Variants in RAB37 observed in about 807,000 individuals in gnomAD.
The protein encoded by RAB37 is ras-related protein Rab-37.
Under a neutral mutation model 33.1 loss-of-function variants are expected in RAB37, and 29 were observed. The observed-to-expected ratio is 0.88, with a 90% CI of 0.65 to 1.20. The LOEUF is 1.20. Among genes scored for constraint, RAB37 ranks in the 50% most tolerant of loss-of-function variants. The probability of loss-of-function intolerance (pLI) is 0.00; values close to 1 mark genes in which losing one functional copy is unlikely to be tolerated. For missense variants in RAB37, 299 were observed against 301.1 expected (o/e 0.99, Z 0.05); for synonymous variants, 128 against 119.5 (o/e 1.07, Z -0.47).
intron 1 of RAB37, among the ~76,000 whole-genome samples, chr17:74,701,157 A>C (rs1238449213): frequency 6.6e-6 from 1 of 152,246 alleles, no homozygotes; most frequent in Non-Finnish European, 1.5e-5. Flanking sequence ...GGGGCAACCC[A>C]AGCAAACTAA....
At chr17:74,695,220 G>A (rs1349176141) in intron 1 of RAB37, 1 of 1,614,148 alleles carries the variant, frequency 6.2e-7, no homozygotes, top group Non-Finnish European at 8.5e-7. Context: ...GGTCAGAGAT[G>A]CATAGGAAAT....
rs190066132 is a variant in RAB37, at chr17:74,740,108, A to G, written c.94-660A>G. Among the ~76,000 whole-genome samples the G allele has an allele frequency of 4.1e-3, 628 of 151,696 alleles. 9 individuals carry two copies. Among genetic ancestry groups the G allele is most frequent in the African/African-American group, 0.014 (562 of 41,382 alleles). The stretch of plus-strand genomic sequence containing the variant: ...GAGGTGGAGGTTGTGGTGAGCCAAG[A>G]TCTCGCCATTGCACTCCAGCCTGGG... On this transcript the variant is annotated intron_variant, in intron 1 of 8. Transcript: ENST00000392613.
chr17:74,701,796 G>A (rs2033069508), intron 1 of RAB37, among the ~76,000 whole-genome samples: 1 of 149,530 alleles, frequency 6.7e-6, no homozygotes, highest in African/African-American at 2.5e-5. Context: ...GTTGCAGTGA[G>A]CTGAGATTAT....
intron 1 of RAB37, among the ~76,000 whole-genome samples, chr17:74,680,976 C>T (rs917030747): frequency 3.9e-5 from 6 of 152,226 alleles, no homozygotes; most frequent in Non-Finnish European, 8.8e-5. Flanking sequence ...CCCTTGAAAT[C>T]TGATATTTCT....
chr17:74,703,273 G>T, intron 1 of RAB37: 1 of 671,716 alleles, frequency 1.5e-6, no homozygotes, highest in Non-Finnish European at 2.5e-6. Flanking sequence ...GCTGCAGCCT[G>T]GACCACTCAT....
intron 1 of RAB37, among the ~76,000 whole-genome samples, chr17:74,675,182 C>CTCATGCCTGTAA (rs2031799535): frequency 6.6e-6 from 1 of 151,998 alleles, no homozygotes; most frequent in Non-Finnish European, 1.5e-5. Context: ...GGCGCAGTGG[C>CTCATGCCTGTAA]TCCCAGCACT....
At chr17:74,732,677 CG>C (rs2034403857), upstream of RAB37, among the ~76,000 whole-genome samples, 1 of 42,322 alleles carries the variant, frequency 2.4e-5, no homozygotes, top group African/African-American at 8.1e-5. Context: ...GTGTATGTGG[CG>C]TGAGATGTGT....
At chr17:74,741,643 G>A (rs1227767237) in intron 2 of RAB37, among the ~76,000 whole-genome samples, 1 of 151,302 alleles carries the variant, frequency 6.6e-6, no homozygotes. Flanking sequence ...AGCTCACCAG[G>A]GACCCTCCCT....
chr17:74,671,858 G>C lies in RAB37; in HGVS notation c.72+200G>C, dbSNP rs2031714649. On this transcript the variant is annotated intron_variant, in intron 1 of 7. Transcript: ENST00000340415. This position sits in a 1 kb window ranked among gnomAD's most constrained non-coding sequence, Gnocchi z 5.0. Reference sequence around the variant, plus strand: ...TCTTGGGGAAGGGCTGCCGCCAGAGGCTCAGATGGTCAGAAGCTTCATTCA... The same window carrying C: ...TCTTGGGGAAGGGCTGCCGCCAGAGCCTCAGATGGTCAGAAGCTTCATTCA... Among the ~76,000 whole-genome samples, 1 of 152,170 alleles carries C rather than the reference G, an allele frequency of 6.6e-6. No homozygotes were observed. Among genetic ancestry groups the C allele is most frequent in the African/African-American group, 2.4e-5 (1 of 41,440 alleles).
chr17:74,700,978 C>A (rs528409947), intron 1 of RAB37, among the ~76,000 whole-genome samples: 2 of 152,114 alleles, frequency 1.3e-5, no homozygotes, highest in South Asian at 2.1e-4. Context: ...CACAGACACA[C>A]GCAGAGGGAC....
At position 74,713,078 on chromosome 17, in the gene RAB37, G is replaced by A. The variant is rs574410966; in HGVS notation, c.73-16178G>A. The A allele has an allele frequency of 2.7e-4, 145 of 536,150 alleles. 1 individual carries two copies. Among genetic ancestry groups the A allele is most frequent in the Non-Finnish European group, 4.1e-4 (121 of 297,054 alleles). 33.2% of individuals were successfully genotyped at this position (536,150 alleles called of 1,614,324 possible). ...TCCTGGCACTTTGGGAGGCCAAGGC[G>A]GGCGGATCACGAGATCAGGAGTTCA... On this transcript the variant is annotated intron_variant, in intron 1 of 7. Transcript: ENST00000340415.
chr17:74,705,961 G>A (rs139136706), intron 1 of RAB37, among the ~76,000 whole-genome samples: 1 of 152,288 alleles, frequency 6.6e-6, no homozygotes, highest in East Asian at 1.9e-4. Flanking sequence ...GATGTGGCTG[G>A]AGGCCATTAT....
intron 1 of RAB37, chr17:74,698,569 C>T: frequency 6.5e-7 from 1 of 1,530,434 alleles, no homozygotes; most frequent in Non-Finnish European, 8.8e-7. Context: ...AGGGGAGGGC[C>T]ACACACCTGA....
chr17:74,681,536 C>T (rs2031955259), intron 1 of RAB37, among the ~76,000 whole-genome samples: 1 of 152,220 alleles, frequency 6.6e-6, no homozygotes, highest in Admixed American at 6.5e-5. Context: ...CTGAAAAACA[C>T]TCAACCAAAC....
upstream of RAB37, chr17:74,736,710 C>G (rs1299351590): frequency 1.3e-6 from 2 of 1,535,730 alleles, no homozygotes; most frequent in Non-Finnish European, 1.7e-6. Context: ...CCCAAAACAC[C>G]GCAGCGTACA....
upstream of RAB37, among the ~76,000 whole-genome samples, chr17:74,735,055 AAGAAAG>A (rs1417064264): frequency 1.1e-4 from 16 of 142,204 alleles, no homozygotes; most frequent in South Asian, 9.3e-4. Context: ...GAAAGAAAGA[AAGAAAG>A]AGAAAGAAAG....
rs777648186 is a variant in RAB37, at chr17:74,729,261, C to G, written c.78C>G (p.Ile26Met). ...TCTCTATTGTTCCCTTCCAGACCATCCTGGTGGGTGACAGTGGTGTGGGAA... is the reference window on the plus strand; with the variant it reads ...TCTCTATTGTTCCCTTCCAGACCATGCTGGTGGGTGACAGTGGTGTGGGAA... The change falls in exon 2 of 8, where the codon ATC (isoleucine) becomes ATG (methionine). Residue 26 changes from isoleucine (I) to methionine (M), a missense_variant. Ile to Met is a conservative substitution (Grantham distance 10). Coordinates refer to the RAB37 transcript ENST00000340415. This position sits in a 1 kb window ranked among gnomAD's most constrained non-coding sequence, Gnocchi z 4.2. 1 of 1,613,360 alleles carries G rather than the reference C, an allele frequency of 6.2e-7. No individual in the cohort carries two copies. Among genetic ancestry groups the G allele is most frequent in the Middle Eastern group, 1.6e-4 (1 of 6,062 alleles).
At chr17:74,693,710 C>T (rs1237302034) in intron 1 of RAB37, among the ~76,000 whole-genome samples, 1 of 152,132 alleles carries the variant, frequency 6.6e-6, no homozygotes, top group Non-Finnish European at 1.5e-5. Flanking sequence ...AGGCAGATCA[C>T]TTGAGGCCAG....
intron 1 of RAB37, among the ~76,000 whole-genome samples, chr17:74,718,237 T>C (rs940826187): frequency 6.6e-6 from 1 of 152,286 alleles, no homozygotes; most frequent in South Asian, 2.1e-4. Flanking sequence ...GAGGTTGCAG[T>C]GAGCCAAGAT....
Sources: allele counts gnomAD v4.1 joint callset (sites outside exome capture counted in the v4.1 genomes callset), GRCh38; gene constraint gnomAD v4.1.1; non-coding constraint Gnocchi (gnomAD v3.1); transcripts MANE v1.5; gene names NCBI Gene and HGNC (gene_info 2026-07-23, HGNC 2026-07-21).